The following CHST15 variants were observed in gnomAD, a reference collection of about 807,000 sequenced individuals.
CHST15 encodes B cell RAG associated protein (GALNAC4S-6ST).
Under a neutral mutation model 53.6 loss-of-function variants are expected in CHST15, and 30 were observed. That is an observed-to-expected ratio of 0.56 (90% CI 0.42 to 0.76). The LOEUF is 0.76. Among genes scored for constraint, CHST15 ranks in the 30% least tolerant of loss-of-function variants. The pLI is 0.00. For missense variants in CHST15, 627 were observed against 740.5 expected (o/e 0.85, Z 1.78); for synonymous variants, 296 against 289.8 (o/e 1.02, Z -0.22).
chr10:124,076,444 C>T (rs7907765), intron 1 of CHST15, among the ~76,000 whole-genome samples: 4,897 of 152,258 alleles, frequency 0.032, 253 homozygotes, highest in African/African-American at 0.11. Flanking sequence ...TTCAGCTCAA[C>T]GGGCATTTCC....
intron 1 of CHST15, among the ~76,000 whole-genome samples, chr10:124,084,395 G>A (rs1350674525): frequency 6.6e-6 from 1 of 152,120 alleles, no homozygotes; most frequent in Non-Finnish European, 1.5e-5. Flanking sequence ...AACCTTCTCC[G>A]TTAGAGCCTT....
Position 124,021,240 on chromosome 10 carries a change from G to GGA in CHST15, c.1347+15_1347+16insTC. 6.4e-7 allele frequency: 1 copy of GGA among 1,563,444 alleles called. No homozygotes were observed. The highest frequency in any genetic ancestry group is 8.7e-7 in the Non-Finnish European group (1 of 1,150,218). On this transcript the variant is annotated intron_variant, in intron 6 of 7. Transcript: ENST00000435907. ...CAGGGGCCAGCTCGGGGGGTACGGG[G>GGA]GGGGGGGGTACACACAGGCATGGCG...
Position 124,044,644 on chromosome 10 carries a change from C to A in CHST15, c.822G>T (p.Arg274=). 6.2e-7 allele frequency: 1 copy of A among 1,604,680 alleles called. No individual in the cohort carries two copies. Among genetic ancestry groups the A allele is most frequent in the Non-Finnish European group, 8.5e-7 (1 of 1,174,916 alleles). The change falls in exon 3 of 8, where the codon CGG becomes CGT. Residue 274 remains arginine, a synonymous_variant. Transcript: ENST00000435907. ...CGTTDLYDRL[R]LHPEVKFSAI... is the part of the protein sequence containing the mutation. ...CGGAGAACTTGACCTCAGGGTGCAG[C>A]CGCAGGCGGTCATAGAGGTCTGTGG...
intron 1 of CHST15, among the ~76,000 whole-genome samples, chr10:124,073,997 C>A (rs375158889): frequency 6.6e-6 from 1 of 152,208 alleles, no homozygotes; most frequent in African/African-American, 2.4e-5. Flanking sequence ...CAGCAACCTA[C>A]GGGCTAGGCA....
chr10:124,043,019 G>A (rs1011422091), intron 3 of CHST15, among the ~76,000 whole-genome samples: 1 of 152,130 alleles, frequency 6.6e-6, no homozygotes, highest in African/African-American at 2.4e-5. Flanking sequence ...TCATACTCTA[G>A]ACAGACATGG....
chr10:124,020,046 G>A (rs1394610604), intron 6 of CHST15: 4 of 985,666 alleles, frequency 4.1e-6, no homozygotes, highest in Non-Finnish European at 3.6e-6. Flanking sequence ...AGAGCTCCCT[G>A]CCCAGCCTCC....
In CHST15 at chr10:124,007,929, C is replaced by T; in HGVS notation, c.*2220G>A. The T allele has an allele frequency of 8.1e-7, 1 of 1,232,084 alleles. No homozygotes were observed. Among genetic ancestry groups the T allele is most frequent in the Non-Finnish European group, 1.0e-6 (1 of 987,960 alleles). The allele number at this position is 1,232,084 out of a possible 1,614,324, so 76.3% of individuals were successfully genotyped here. ...CCGCCCAGAACGGAACCTATTCTGT[C>T]AGCAAGAGCCGGGCCTCGAATGAGA... On this transcript the variant is annotated 3_prime_UTR_variant, in exon 8 of 8. Transcript: ENST00000435907.
At chr10:124,088,865 A>G (rs1411548481) in intron 1 of CHST15, among the ~76,000 whole-genome samples, 1 of 152,206 alleles carries the variant, frequency 6.6e-6, no homozygotes, top group East Asian at 1.9e-4. Flanking sequence ...ACTCCTAACT[A>G]GACACCTAGA....
intron 5 of CHST15, among the ~76,000 whole-genome samples, chr10:124,033,448 C>T (rs987976922): frequency 4.6e-5 from 7 of 152,208 alleles, no homozygotes; most frequent in African/African-American, 7.2e-5. Context: ...ACTCCTAGGA[C>T]GGTCCTCAGT....
chr10:124,091,292 C>T (rs1456491076), intron 1 of CHST15, among the ~76,000 whole-genome samples: 1 of 152,060 alleles, frequency 6.6e-6, no homozygotes, highest in Non-Finnish European at 1.5e-5. Context: ...TAGTAAGTGC[C>T]ATGTTCTGGA....
chr10:124,075,554 G>A (rs1351775360), intron 1 of CHST15, among the ~76,000 whole-genome samples: 2 of 152,160 alleles, frequency 1.3e-5, no homozygotes, highest in Admixed American at 6.5e-5. Flanking sequence ...CCCCCAAGAC[G>A]CTGCTCGGAA....
rs112206398 is a variant in CHST15 at position 124,087,266 on chromosome 10, C to G, written c.-513+6203G>C. ...AAAGCAAAAGCAGGACAGAACCTCC[C>G]TGAGATAGATCCAGGGCCACCCTGG... On this transcript the variant is annotated intron_variant, in intron 1 of 7. Transcript: ENST00000435907. 2.0e-5 allele frequency among the ~76,000 whole-genome samples: 3 copies of G among 152,318 alleles called. 1 individual carries two copies. The highest frequency in any genetic ancestry group is 7.2e-5 in the African/African-American group (3 of 41,570).
chr10:124,090,343 C>T (rs1203758050), intron 1 of CHST15, among the ~76,000 whole-genome samples: 1 of 152,210 alleles, frequency 6.6e-6, no homozygotes. Context: ...CATGTGCTCA[C>T]CTGTTCAGGA....
chr10:124,084,679 C>T (rs551299974), intron 1 of CHST15, among the ~76,000 whole-genome samples: 13 of 152,304 alleles, frequency 8.5e-5, no homozygotes, highest in African/African-American at 2.9e-4. Context: ...ACCTCTGAAC[C>T]GGACATGAGA....
At chr10:124,038,179 C>T (rs188452286) in intron 5 of CHST15, among the ~76,000 whole-genome samples, 79 of 151,764 alleles carry the variant, frequency 5.2e-4, no homozygotes, top group East Asian at 1.9e-3. Flanking sequence ...CCATCTTGGC[C>T]CACTGCAGCC....
intron 1 of CHST15, among the ~76,000 whole-genome samples, chr10:124,090,798 G>A (rs550424821): frequency 1.3e-4 from 20 of 152,242 alleles, no homozygotes; most frequent in African/African-American, 2.2e-4. Flanking sequence ...GAAAAGCAAG[G>A]CACACATGTG....
chr10:124,009,166 C>A lies in CHST15; in HGVS notation c.*983G>T. 8.4e-7 allele frequency: 1 copy of A among 1,192,612 alleles called. No individual in the cohort carries two copies. The highest frequency in any genetic ancestry group is 3.0e-5 in the Admixed American group (1 of 32,806). 73.9% of individuals were successfully genotyped at this position (1,192,612 alleles called of 1,614,324 possible). A position where few individuals can be genotyped will look rare whatever the true frequency, so the allele number is the denominator to read the frequency against. On this transcript the variant is annotated 3_prime_UTR_variant, in exon 8 of 8. Transcript: ENST00000435907. ...GGCCAGAACTAAAAATTAAAATCCT[C>A]TGTTTCTCTGATGATCTTGTAAACC...
At chr10:124,088,323 C>T (rs1410022066) in intron 1 of CHST15, among the ~76,000 whole-genome samples, 1 of 152,250 alleles carries the variant, frequency 6.6e-6, no homozygotes, top group African/African-American at 2.4e-5. Context: ...TCCGCCTCGC[C>T]CACTGATCTG....
At position 124,058,444 on chromosome 10, in the gene CHST15, A is replaced by T. The variant is rs144973482; in HGVS notation, c.-512-11720T>A. Among the ~76,000 whole-genome samples the T allele has an allele frequency of 3.9e-5, 6 of 152,350 alleles. No homozygotes were observed. The East Asian group carries it at 1.2e-3, about 29-fold the overall frequency. On this transcript the variant is annotated intron_variant, in intron 1 of 7. Coordinates refer to ENST00000435907, the MANE Select transcript of CHST15 (RefSeq NM_001270764.2). ...TGGGAAACTGAGGCACAGCAGGGTT[A>T]AACACATAACCCTGAGTCACAGGAC...
Sources: allele counts gnomAD v4.1 joint callset (sites outside exome capture counted in the v4.1 genomes callset), GRCh38; gene constraint gnomAD v4.1.1; transcripts MANE v1.5; gene names NCBI Gene and HGNC (gene_info 2026-07-23, HGNC 2026-07-21).